GALNT9: variants seen among roughly 807,000 people sequenced by gnomAD.
GALNT9 encodes GalNAc transferase 9.
A neutral mutation model predicts 63.1 loss-of-function variants in GALNT9; 47 were observed. The observed-to-expected ratio is 0.75, with a 90% CI of 0.59 to 0.95. The LOEUF is 0.95. GALNT9 is among the 40% of genes least tolerant of loss of function. The pLI, the probability that GALNT9 is intolerant of heterozygous loss-of-function variation, is 0.00. For missense variants in GALNT9, 829 were observed against 874.8 expected (o/e 0.95, Z 0.66); for synonymous variants, 396 against 365.7 (o/e 1.08, Z -0.94).
At chr12:132,198,808 T>C (rs986011113) in intron 9 of GALNT9, among the ~76,000 whole-genome samples, 4 of 152,120 alleles carry the variant, frequency 2.6e-5, no homozygotes, top group Non-Finnish European at 5.9e-5. Context: ...TGCCCCACCA[T>C]GCCCGGCTAA....
chr12:132,198,023 C>G, intron 9 of GALNT9, 64 bp from the exon 10 acceptor site: 1 of 1,392,668 alleles, frequency 7.2e-7, no homozygotes, highest in South Asian at 1.2e-5. Flanking sequence ...TGAGCACTGA[C>G]AGGCCGTGCG....
At chr12:132,253,628 T>C (rs150597646) in intron 5 of GALNT9, among the ~76,000 whole-genome samples, 44 of 152,378 alleles carry the variant, frequency 2.9e-4, no homozygotes, top group African/African-American at 1.0e-3. Flanking sequence ...CTGACTTGTA[T>C]TATGATTATT....
At chr12:132,271,480 A>G (rs1555240715) in intron 2 of GALNT9, among the ~76,000 whole-genome samples, 1 of 152,194 alleles carries the variant, frequency 6.6e-6, no homozygotes, top group African/African-American at 2.4e-5. Flanking sequence ...AAAACAATGA[A>G]GCCAGGACAG....
At chr12:132,293,225 G>A (rs782007308) in intron 1 of GALNT9, among the ~76,000 whole-genome samples, 3 of 152,314 alleles carry the variant, frequency 2.0e-5, no homozygotes, top group East Asian at 1.9e-4. Context: ...TTCACTTGAC[G>A]CTTCCCAGGG....
intron 2 of GALNT9, among the ~76,000 whole-genome samples, chr12:132,272,088 C>T (rs1555240786): frequency 6.6e-6 from 1 of 152,208 alleles, no homozygotes; most frequent in African/African-American, 2.4e-5. Flanking sequence ...CCCGGCTCCC[C>T]CAACTCAGAG....
chr12:132,265,958 G>A lies in GALNT9; in HGVS notation c.420-3333C>T, dbSNP rs201579972. 6.6e-5 allele frequency among the ~76,000 whole-genome samples: 10 copies of A among 152,194 alleles called. No homozygotes were observed. In the East Asian group the frequency reaches 1.2e-3, roughly 18 times the overall value. On this transcript the variant is annotated intron_variant, in intron 2 of 10. Transcript: ENST00000328957. The surrounding 1 kb of genome is among the most constrained non-coding windows in gnomAD (Gnocchi z 5.3). ...CAGGCCTGTCTGCCTTTACACGCCC[G>A]ACCTCGCCGTATTTCATGAACAGGC...
rs775806596 is a variant in GALNT9, at chr12:132,319,491, C to T, written c.238+9475G>A. The stretch of plus-strand genomic sequence containing the variant: ...ACTCAGGCCAAAGGACCCCACCCAG[C>T]TTCCCGGGCCTGCAGCTTGCAGACG... On this transcript the variant is annotated intron_variant, in intron 1 of 10. Transcript: ENST00000328957. The surrounding 1 kb of genome is among the most constrained non-coding windows in gnomAD (Gnocchi z 5.2). 2.2e-4 allele frequency among the ~76,000 whole-genome samples: 33 copies of T among 152,284 alleles called. No homozygotes were observed. The highest frequency in any genetic ancestry group is 2.8e-4 in the Non-Finnish European group (19 of 68,002).
Position 132,279,423 on chromosome 12 carries a change from T to G in GALNT9, c.419+6827A>C, listed in dbSNP as rs1201327791. ...GGACAGAGCTGGGCCGGTTCCTCCC[T>G]GGGATCTCCCCTCCCCGAGCACAGG... is the stretch of plus-strand genomic sequence containing the variant. On this transcript the variant is annotated intron_variant, in intron 2 of 10. Transcript: ENST00000328957. This position sits in a 1 kb window ranked among gnomAD's most constrained non-coding sequence, Gnocchi z 4.1. 1.3e-5 allele frequency: 2 copies of G among 152,530 alleles called. No individual in the cohort carries two copies. The highest frequency in any genetic ancestry group is 4.8e-5 in the African/African-American group (2 of 41,590). The allele number at this position is 152,530 out of a possible 1,614,324, so 9.4% of individuals were successfully genotyped here. A position where few individuals can be genotyped will look rare whatever the true frequency, so the allele number is the denominator to read the frequency against.
intron 6 of GALNT9, among the ~76,000 whole-genome samples, chr12:132,227,988 C>T (rs1042811685): frequency 1.3e-5 from 2 of 152,152 alleles, no homozygotes; most frequent in Admixed American, 6.5e-5. Context: ...TGAGCAGGGG[C>T]TGTGGGCAGG....
chr12:132,241,752 ACC>A lies in GALNT9; in HGVS notation c.1077+6156_1077+6157del, dbSNP rs1341948563. On this transcript the variant is annotated intron_variant, in intron 6 of 10. Transcript: ENST00000328957. The stretch of plus-strand genomic sequence containing the variant: ...CCTATACCCATTACACACACAACAC[ACC>A]CCCTTCCCGGGGCCCTCCCTATCCC... 6.5e-4 allele frequency among the ~76,000 whole-genome samples: 22 copies of A among 33,858 alleles called. 1 individual carries two copies. The highest frequency in any genetic ancestry group is 9.2e-4 in the Non-Finnish European group (16 of 17,302). 22.2% of individuals were successfully genotyped at this position (33,858 alleles called of 152,430 possible).
chr12:132,199,312 G>A, intron 8 of GALNT9, 43 bp from the exon 9 acceptor site: 1 of 1,457,310 alleles, frequency 6.9e-7, no homozygotes. Flanking sequence ...GTCACCCGAG[G>A]GTGCGGCCCC....
chr12:132,197,085 G>A lies in GALNT9; in HGVS notation c.*22C>T. ...GGCCCAGCGCCTTCCCGAGGTCTGT[G>A]GGGGTCCGGGCGGAGGTGGGGTCAG... On this transcript the variant is annotated 3_prime_UTR_variant, in exon 11 of 11. Transcript: ENST00000328957. 1.9e-6 allele frequency: 3 copies of A among 1,612,816 alleles called. No homozygotes were observed. Among genetic ancestry groups the A allele is most frequent in the African/African-American group, 1.3e-5 (1 of 75,056 alleles).
At position 132,238,285 on chromosome 12, in the gene GALNT9, G is replaced by A. The variant is rs1054875304; in HGVS notation, c.1077+9625C>T. Among the ~76,000 whole-genome samples the A allele has an allele frequency of 2.6e-5, 4 of 152,024 alleles. No homozygotes were observed. The highest frequency in any genetic ancestry group is 4.2e-4 in the South Asian group (2 of 4,816). ...TGCTGGGTCCCTCACGGCGGAGACC[G>A]AGGACTCCCCTTTGCAGGTAGCTCT... is the stretch of plus-strand genomic sequence containing the variant. On this transcript the variant is annotated intron_variant, in intron 6 of 10. Coordinates refer to ENST00000328957, the MANE Select transcript of GALNT9 (RefSeq NM_001122636.2). This position sits in a 1 kb window ranked among gnomAD's most constrained non-coding sequence, Gnocchi z 6.5.
chr12:132,329,403 C>A lies in GALNT9; in HGVS notation c.-200G>T. On this transcript the variant is annotated 5_prime_UTR_variant, in exon 1 of 11. Coordinates refer to ENST00000328957, the MANE Select transcript of GALNT9 (RefSeq NM_001122636.2). ...GGGTCCCCCAGAGCGCAGAGGGCTG[C>A]CCGGGGCTGGGGTCGCGGGGCGCGG... The A allele has an allele frequency of 1.5e-6, 1 of 649,984 alleles. No homozygotes were observed. Among genetic ancestry groups the A allele is most frequent in the Non-Finnish European group, 2.1e-6 (1 of 465,892 alleles). 40.3% of individuals were successfully genotyped at this position (649,984 alleles called of 1,614,324 possible).
rs1165451208 is a variant in GALNT9, at chr12:132,286,193, G to A, written c.419+57C>T. ...GGGCAGTCACTTCCCTGGCCAGTGT[G>A]GGGGGCGGTCACTTCCTCGGCGGGC... On this transcript the variant is annotated intron_variant, in intron 2 of 10. Transcript: ENST00000328957. The surrounding 1 kb of genome is among the most constrained non-coding windows in gnomAD (Gnocchi z 7.4). 6.6e-7 allele frequency: 1 copy of A among 1,508,408 alleles called. No individual in the cohort carries two copies. Among genetic ancestry groups the A allele is most frequent in the Non-Finnish European group, 8.9e-7 (1 of 1,121,340 alleles). 93.4% of individuals were successfully genotyped at this position (1,508,408 alleles called of 1,614,324 possible). A position where few individuals can be genotyped will look rare whatever the true frequency, so the allele number is the denominator to read the frequency against.
At chr12:132,248,082 C>T in intron 5 of GALNT9, 55 bp from the exon 6 acceptor site, 1 of 1,507,582 alleles carries the variant, frequency 6.6e-7, no homozygotes, top group Non-Finnish European at 8.9e-7. Flanking sequence ...TGAGCCCTGC[C>T]TGCTGGGCCA....
chr12:132,261,527 T>G (rs1879385911), intron 3 of GALNT9, among the ~76,000 whole-genome samples: 1 of 152,158 alleles, frequency 6.6e-6, no homozygotes, highest in African/African-American at 2.4e-5. Context: ...AAGACACAGG[T>G]AGCCGAGCTG....
At chr12:132,235,063 C>CAT (rs1877947319) in intron 6 of GALNT9, among the ~76,000 whole-genome samples, 1 of 22,540 alleles carries the variant, frequency 4.4e-5, no homozygotes, top group African/African-American at 7.1e-4. Context: ...CTCGATGGGG[C>CAT]GACAGAGGAG....
chr12:132,199,181 G>C lies in GALNT9; in HGVS notation c.1490C>G (p.Ser497Cys). The C allele has an allele frequency of 6.3e-6, 10 of 1,596,578 alleles. No individual in the cohort carries two copies. Among genetic ancestry groups the C allele is most frequent in the African/African-American group, 1.3e-5 (1 of 74,824 alleles). ...RAILYPCHGM[S>C]SQLVRYSADG... ...GGCCGCTGCTACTCCTACCTGGGAG[G>C]ACATCCCGTGGCAGGGGTAGAGGAT... is the stretch of plus-strand genomic sequence containing the variant. The change falls in exon 9 of 11, where the codon TCC becomes TGC. Residue 497 changes from serine (S) to cysteine (C), a missense_variant. Transcript: ENST00000328957.
Sources: allele counts gnomAD v4.1 joint callset (sites outside exome capture counted in the v4.1 genomes callset), GRCh38; gene constraint gnomAD v4.1.1; non-coding constraint Gnocchi (gnomAD v3.1); transcripts MANE v1.5; gene names NCBI Gene and HGNC (gene_info 2026-07-23, HGNC 2026-07-21).